Variants in OTOGL observed in about 807,000 individuals in gnomAD.
The protein encoded by OTOGL is otogelin like.
In OTOGL, 285 loss-of-function variants were observed where a neutral mutation model predicts 318.5. That is an observed-to-expected ratio of 0.89 (90% confidence interval 0.81 to 0.99). The LOEUF is 0.99. Among genes scored for constraint, OTOGL ranks in the 50% least tolerant of loss-of-function variants. The pLI, the probability that OTOGL is intolerant of heterozygous loss-of-function variation, is 0.00. For synonymous variants in OTOGL, 987 were observed against 936.5 expected (o/e 1.05, Z -0.99); for missense variants, 2,899 against 2,845.6 (o/e 1.02, Z -0.43).
At chr12:80,288,680 T>A (rs1884812350) in intron 26 of OTOGL, among the ~76,000 whole-genome samples, 1 of 151,856 alleles carries the variant, frequency 6.6e-6, no homozygotes, top group Non-Finnish European at 1.5e-5. Context: ...TCTGCTTGAT[T>A]CATTTGGCTA....
At chr12:80,223,936 A>G (rs1399597417) in intron 7 of OTOGL, among the ~76,000 whole-genome samples, 1 of 152,036 alleles carries the variant, frequency 6.6e-6, no homozygotes, top group Non-Finnish European at 1.5e-5. Flanking sequence ...TAGTTTAATT[A>G]AGTCTTGTCT....
chr12:80,252,681 A>G (rs150883005), intron 13 of OTOGL, among the ~76,000 whole-genome samples: 1 of 152,176 alleles, frequency 6.6e-6, no homozygotes, highest in Non-Finnish European at 1.5e-5. Context: ...GGATTTACTC[A>G]AACCCTTTTT....
intron 1 of OTOGL, among the ~76,000 whole-genome samples, chr12:80,112,826 A>T (rs1347589647): frequency 6.6e-6 from 1 of 151,666 alleles, no homozygotes; most frequent in Non-Finnish European, 1.5e-5. Flanking sequence ...TTTCAGAAGG[A>T]ATGGTACCAG....
chr12:80,260,541 T>C (rs1305951189), intron 18 of OTOGL, among the ~76,000 whole-genome samples: 1 of 152,168 alleles, frequency 6.6e-6, no homozygotes, highest in Non-Finnish European at 1.5e-5. Flanking sequence ...GAACAGTGTT[T>C]AGCTTTCCAA....
At chr12:80,357,732 G>T (rs544191107) in intron 49 of OTOGL, among the ~76,000 whole-genome samples, 2 of 152,012 alleles carry the variant, frequency 1.3e-5, no homozygotes, top group African/African-American at 2.4e-5. Flanking sequence ...AAGGGATTCC[G>T]ATTACTCCTA....
intron 46 of OTOGL, among the ~76,000 whole-genome samples, chr12:80,354,896 G>A (rs1323648448): frequency 6.6e-6 from 1 of 151,958 alleles, no homozygotes; most frequent in Non-Finnish European, 1.5e-5. Context: ...AAAAGTAATA[G>A]TCACTACATA....
At chr12:80,286,878 A>G (rs972966489) in intron 26 of OTOGL, among the ~76,000 whole-genome samples, 1 of 152,046 alleles carries the variant, frequency 6.6e-6, no homozygotes, top group Non-Finnish European at 1.5e-5. Flanking sequence ...TCGTGTCTCT[A>G]TCTCCCTGAG....
chr12:80,240,233 G>T (rs920098953), intron 11 of OTOGL, among the ~76,000 whole-genome samples: 6 of 151,982 alleles, frequency 3.9e-5, no homozygotes, highest in Admixed American at 6.6e-5. Context: ...TTTTTTGGGG[G>T]ATATATACTC....
At chr12:80,117,618 T>C (rs1870245577) in intron 1 of OTOGL, among the ~76,000 whole-genome samples, 1 of 152,196 alleles carries the variant, frequency 6.6e-6, no homozygotes, top group Non-Finnish European at 1.5e-5. Context: ...TCTGATCCTA[T>C]TTTTTCTTCT....
At chr12:80,341,643 G>A (rs1020521955) in intron 43 of OTOGL, among the ~76,000 whole-genome samples, 8 of 152,152 alleles carry the variant, frequency 5.3e-5, no homozygotes, top group African/African-American at 1.9e-4. Flanking sequence ...TGGTAGTAAT[G>A]GAAGAGTATA....
chr12:80,173,641 A>G (rs958307776), intron 1 of OTOGL, among the ~76,000 whole-genome samples: 5 of 152,146 alleles, frequency 3.3e-5, no homozygotes, highest in Non-Finnish European at 5.9e-5. Flanking sequence ...CATGGCTAAG[A>G]ATGCCTGACC....
rs151273222 is a variant in OTOGL at position 80,241,527 on chromosome 12, G to A, written c.1052+2088G>A. 2.7e-3 allele frequency among the ~76,000 whole-genome samples: 413 copies of A among 151,694 alleles called. 4 individuals carry two copies. Among genetic ancestry groups the A allele is most frequent in the African/African-American group, 9.5e-3 (393 of 41,372 alleles). ...ATAGTCCTTATTTAGTCACATATAT[G>A]GAATTAAAATTGTTCTTATTCCACA... On this transcript the variant is annotated intron_variant, in intron 11 of 58. Transcript: ENST00000547103.
chr12:80,129,755 C>T (rs901222472), intron 1 of OTOGL, among the ~76,000 whole-genome samples: 1 of 152,200 alleles, frequency 6.6e-6, no homozygotes, highest in African/African-American at 2.4e-5. Context: ...TCATAGTCAC[C>T]TGTGACCTTT....
At position 80,256,338 on chromosome 12, in the gene OTOGL, A is replaced by G; in HGVS notation, c.1589A>G (p.Asn530Ser). ...ITLQKAPCEQ[N>S]LGLVCLQSIT... ...ATTGATAATTTGATTTTTACGCAGA[A>G]TCTTGGCTTGGTCTGCCTTCAGTCT... The change falls in exon 17 of 59, where the codon AAT becomes AGT. Residue 530 changes from asparagine (N) to serine (S), a missense_variant and splice_region_variant. This residue lies in a region of OTOGL where 2,607 missense variants were observed against 2,524.9 expected (regional missense o/e 1.03). Transcript: ENST00000547103. The G allele has an allele frequency of 6.3e-7, 1 of 1,595,292 alleles. No homozygotes were observed. The highest frequency in any genetic ancestry group is 8.5e-7 in the Non-Finnish European group (1 of 1,176,892).
intron 1 of OTOGL, among the ~76,000 whole-genome samples, chr12:80,154,231 C>G (rs766737218): frequency 1.3e-5 from 2 of 152,126 alleles, no homozygotes; most frequent in Non-Finnish European, 2.9e-5. Context: ...ATCTTTTGAA[C>G]CCGGGAGGTG....
intron 21 of OTOGL, 72 bp from the exon 22 acceptor site, chr12:80,267,181 C>A: frequency 1.1e-6 from 1 of 931,844 alleles, no homozygotes; most frequent in Non-Finnish European, 1.6e-6. Flanking sequence ...ATGGAGAGCA[C>A]AAGGTCAGCT....
chr12:80,350,041 C>A (rs1379691268), intron 44 of OTOGL, among the ~76,000 whole-genome samples: 1 of 152,170 alleles, frequency 6.6e-6, no homozygotes, highest in African/African-American at 2.4e-5. Flanking sequence ...AACTGAAATT[C>A]TGTACCCTTT....
intron 44 of OTOGL, among the ~76,000 whole-genome samples, chr12:80,347,198 G>T (rs1889250004): frequency 6.6e-6 from 1 of 151,826 alleles, no homozygotes; most frequent in African/African-American, 2.4e-5. Context: ...GTGCAGGTTT[G>T]TTATATAGGT....
Position 80,239,376 on chromosome 12 carries a change from T to C in OTOGL, c.989T>C (p.Leu330Pro). 2 of 1,611,126 alleles carry C rather than the reference T, an allele frequency of 1.2e-6. No individual in the cohort carries two copies. Among genetic ancestry groups the C allele is most frequent in the South Asian group, 1.1e-5 (1 of 90,446 alleles). Residue 330 changes from leucine (L) to proline (P), a missense_variant, in exon 11 of 59, where the codon CTG (leucine) becomes CCG (proline). Around this residue, in one of 3 missense-constraint regions of OTOGL, gnomAD observed 2,607 missense variants for 2,524.9 expected, o/e 1.03. Transcript: ENST00000547103. Reference sequence around the variant, plus strand: ...CAGATACTGTTGCAGTTTCCTTTTCTGAGCTGCCATGAGTATATCGATCCA... The same window carrying C: ...CAGATACTGTTGCAGTTTCCTTTTCCGAGCTGCCATGAGTATATCGATCCA... ...KCQILLQFPF[L>P]SCHEYIDPYL... is the part of the protein sequence containing the mutation.
Sources: allele counts gnomAD v4.1 joint callset (sites outside exome capture counted in the v4.1 genomes callset), GRCh38; gene constraint gnomAD v4.1.1; regional missense constraint gnomAD v4.1.1; transcripts MANE v1.5; gene names NCBI Gene and HGNC (gene_info 2026-07-23, HGNC 2026-07-21).